RAB11FIP4: variants seen among roughly 807,000 people sequenced by gnomAD.
RAB11FIP4 encodes RAB11 family interacting protein 4.
RAB11FIP4 carries 23 observed loss-of-function variants against 74.3 expected under a neutral mutation model. The ratio of observed to expected loss-of-function variants is 0.31; its 90% CI spans 0.22 to 0.44. The LOEUF is 0.44. Among genes scored for constraint, RAB11FIP4 ranks in the 20% least tolerant of loss-of-function variants. The pLI is 1.00. For missense variants in RAB11FIP4, 630 were observed against 863.9 expected (o/e 0.73, Z 3.39); for synonymous variants, 360 against 359.9 (o/e 1.00, Z 0.00).
rs936017672 is a variant in RAB11FIP4 at position 31,436,769 on chromosome 17, T to G, written c.336+2647T>G. ...TTGTTTTTTGTTTTTTTTTTGTTTT[T>G]TTTTGTTTTTTGTTTTTTTTGTTTT... On this transcript the variant is annotated intron_variant, in intron 3 of 14. Transcript: ENST00000621161. Among the ~76,000 whole-genome samples the G allele has an allele frequency of 4.5e-4, 68 of 150,072 alleles. 1 individual carries two copies. The highest frequency in any genetic ancestry group is 3.4e-3 in the Middle Eastern group (1 of 294).
intron 1 of RAB11FIP4, among the ~76,000 whole-genome samples, chr17:31,393,169 G>A (rs1597892175): frequency 4.6e-5 from 7 of 152,372 alleles, no homozygotes; most frequent in Admixed American, 3.9e-4. Flanking sequence ...GGCAGCTTCA[G>A]GGCTTGAGAA....
At chr17:31,488,319 G>T in intron 3 of RAB11FIP4, 1 of 1,149,228 alleles carries the variant, frequency 8.7e-7, no homozygotes, top group Non-Finnish European at 1.1e-6. Context: ...CCGGCGGCGC[G>T]CACCTGGCTC....
In RAB11FIP4 at chr17:31,445,562, ATATATATATATATATATTTT is replaced by A. The variant is rs2071449579; in HGVS notation, c.336+11442_336+11461del. Among the ~76,000 whole-genome samples the A allele has an allele frequency of 3.6e-3, 62 of 17,418 alleles. 1 individual carries two copies. Among genetic ancestry groups the A allele is most frequent in the South Asian group, 0.011 (5 of 464 alleles). 11.4% of individuals were successfully genotyped at this position (17,418 alleles called of 152,430 possible). A position where few individuals can be genotyped will look rare whatever the true frequency, so the allele number is the denominator to read the frequency against. ...TATATATATATATATATATATATAT[ATATATATATATATATATTTT>A]TTTTTTTTTTTTTTTTTTTTTGACA... On this transcript the variant is annotated intron_variant, in intron 3 of 14. Coordinates refer to ENST00000621161, the MANE Select transcript of RAB11FIP4 (RefSeq NM_032932.6).
intron 1 of RAB11FIP4, among the ~76,000 whole-genome samples, chr17:31,415,377 A>C (rs1267928686): frequency 6.6e-6 from 1 of 152,176 alleles, no homozygotes; most frequent in Non-Finnish European, 1.5e-5. Flanking sequence ...GGGAAGTAAA[A>C]GGCTCGGAAG....
At chr17:31,510,541 A>C (rs910888291) in intron 3 of RAB11FIP4, among the ~76,000 whole-genome samples, 1 of 152,212 alleles carries the variant, frequency 6.6e-6, no homozygotes, top group Non-Finnish European at 1.5e-5. Flanking sequence ...CTGGGGGTGG[A>C]TGAGCTGGAA....
chr17:31,427,129 T>G (rs900417578), intron 1 of RAB11FIP4, among the ~76,000 whole-genome samples: 5 of 152,058 alleles, frequency 3.3e-5, no homozygotes, highest in African/African-American at 1.2e-4. Flanking sequence ...CTGGCTAATT[T>G]TTGTATTTTT....
At chr17:31,415,889 G>A (rs2071143104) in intron 1 of RAB11FIP4, among the ~76,000 whole-genome samples, 1 of 152,058 alleles carries the variant, frequency 6.6e-6, no homozygotes, top group Non-Finnish European at 1.5e-5. Flanking sequence ...TCACCCTCAG[G>A]CCCCCTTTAT....
chr17:31,425,206 G>C (rs1272089332), intron 1 of RAB11FIP4, among the ~76,000 whole-genome samples: 2 of 152,180 alleles, frequency 1.3e-5, no homozygotes, highest in Non-Finnish European at 2.9e-5. Context: ...CCAGGTGGTG[G>C]CGAGGATTAA....
rs902777799 is a variant in RAB11FIP4, at chr17:31,465,275, A to G, written c.336+31153A>G. Among the ~76,000 whole-genome samples, 7 of 152,106 alleles carry G rather than the reference A, an allele frequency of 4.6e-5. No individual in the cohort carries two copies. In the South Asian group the frequency reaches 1.4e-3, roughly 31 times the overall value. ...TAGGACTCCAAAGTCCTCCTCAACC[A>G]GTGTGTCCATGTTAAATGCAGATTC... On this transcript the variant is annotated intron_variant, in intron 3 of 14. Coordinates refer to ENST00000621161, the MANE Select transcript of RAB11FIP4 (RefSeq NM_032932.6).
At position 31,391,890 on chromosome 17, in the gene RAB11FIP4, C is replaced by T. The variant is rs779261611; in HGVS notation, c.38C>T (p.Ala13Val). ...GCGGGCTGGTCGGGCGCCCCCGCGGCTCTGCTGCGCTCCGTGCGCCGCCTG... is the reference window on the plus strand; with the variant it reads ...GCGGGCTGGTCGGGCGCCCCCGCGGTTCTGCTGCGCTCCGTGCGCCGCCTG... ...GGAGWSGAPA[A>V]LLRSVRRLRE... is the part of the protein sequence containing the mutation. The change falls in exon 1 of 15, where the codon GCT becomes GTT. Residue 13 changes from alanine to valine, a missense_variant. Ala to Val is a moderately conservative substitution (Grantham distance 64). Transcript: ENST00000621161. 1 of 1,248,962 alleles carries T rather than the reference C, an allele frequency of 8.0e-7. No homozygotes were observed. The highest frequency in any genetic ancestry group is 4.0e-5 in the Admixed American group (1 of 25,226). 77.4% of individuals were successfully genotyped at this position (1,248,962 alleles called of 1,614,324 possible). A position where few individuals can be genotyped will look rare whatever the true frequency, so the allele number is the denominator to read the frequency against.
chr17:31,447,884 G>C (rs178861), intron 3 of RAB11FIP4, among the ~76,000 whole-genome samples: 1 of 151,406 alleles, frequency 6.6e-6, no homozygotes, highest in African/African-American at 2.4e-5. Flanking sequence ...GCAGTGGCGC[G>C]ATCTCAGCTC....
In RAB11FIP4 at chr17:31,512,397, A is replaced by C. The variant is rs1292696659; in HGVS notation, c.337-5254A>C. 6.6e-6 allele frequency among the ~76,000 whole-genome samples: 1 copy of C among 152,130 alleles called. No individual in the cohort carries two copies. The highest frequency in any genetic ancestry group is 2.4e-5 in the African/African-American group (1 of 41,422). The stretch of plus-strand genomic sequence containing the variant: ...AAGTGGCTGGGCCAGCAGGGCCGGA[A>C]ACCCAGACTGCTAGGCCCCAGAGCT... On this transcript the variant is annotated intron_variant, in intron 3 of 14. Coordinates refer to ENST00000621161, the MANE Select transcript of RAB11FIP4 (RefSeq NM_032932.6). The surrounding 1 kb of genome is among the most constrained non-coding windows in gnomAD (Gnocchi z 4.1).
chr17:31,495,419 G>T (rs1457105471), intron 3 of RAB11FIP4, among the ~76,000 whole-genome samples: 1 of 147,184 alleles, frequency 6.8e-6, no homozygotes, highest in Non-Finnish European at 1.5e-5. Context: ...TTTCTGCCCA[G>T]GCTAGAGTGC....
chr17:31,392,040 CG>C, intron 1 of RAB11FIP4, 29 bp downstream of exon 1: 3 of 1,252,280 alleles, frequency 2.4e-6, no homozygotes, highest in East Asian at 3.3e-5. Context: ...AGTCCCGGCC[CG>C]GGGACCCCAG....
rs8072034 is a variant in RAB11FIP4 at position 31,492,412 on chromosome 17, G to T, written c.337-25239G>T. Reference sequence around the variant, plus strand: ...CTGTTCATCCACCCCCCTGCTATGGGGTGGCTGAAGGTTGGGGTGCCCTCT... The same window carrying T: ...CTGTTCATCCACCCCCCTGCTATGGTGTGGCTGAAGGTTGGGGTGCCCTCT... On this transcript the variant is annotated intron_variant, in intron 3 of 14. Transcript: ENST00000621161. Among the ~76,000 whole-genome samples the T allele has an allele frequency of 7.3e-3, 1,110 of 152,250 alleles. 17 individuals carry two copies. The highest frequency in any genetic ancestry group is 0.026 in the African/African-American group (1,066 of 41,552).
intron 3 of RAB11FIP4, among the ~76,000 whole-genome samples, chr17:31,504,465 G>A (rs1444722689): frequency 6.6e-6 from 1 of 151,542 alleles, no homozygotes; most frequent in Non-Finnish European, 1.5e-5. Context: ...ACAGGGTTTC[G>A]CCATGTTGGC....
intron 7 of RAB11FIP4, chr17:31,523,288 G>A (rs755684456): frequency 7.7e-5 from 45 of 582,956 alleles, no homozygotes; most frequent in Non-Finnish European, 1.2e-4. Context: ...GTCATTGGCT[G>A]TGTCTGCCAG....
At chr17:31,483,254 C>T (rs1297307957) in intron 3 of RAB11FIP4, among the ~76,000 whole-genome samples, 1 of 137,872 alleles carries the variant, frequency 7.3e-6, no homozygotes, top group Non-Finnish European at 1.5e-5. Context: ...TGTGCGTTGA[C>T]AGAATCAAGC....
chr17:31,495,333 G>C (rs893514345), intron 3 of RAB11FIP4, among the ~76,000 whole-genome samples: 1 of 150,746 alleles, frequency 6.6e-6, no homozygotes, highest in Non-Finnish European at 1.5e-5. Context: ...TAGCCTGGCT[G>C]GTTAGGTGGG....
Sources: gnomAD v4.1 joint callset for allele counts (sites outside exome capture counted in the v4.1 genomes callset) on GRCh38, gnomAD v4.1.1 for gene constraint, Gnocchi (gnomAD v3.1) non-coding constraint, MANE v1.5 for transcripts, NCBI Gene and HGNC (gene_info 2026-07-23, HGNC 2026-07-21) for gene names.